The following SERPINI1 variants were observed in gnomAD, a reference collection of about 807,000 sequenced individuals.
SERPINI1 encodes neuroserpin.
In SERPINI1, 19 loss-of-function variants were observed where a neutral mutation model predicts 41.1. The ratio of observed to expected loss-of-function variants is 0.46; its 90% CI spans 0.32 to 0.68. SERPINI1 has a LOEUF of 0.68. Among genes scored for constraint, SERPINI1 ranks in the 30% least tolerant of loss-of-function variants. SERPINI1 has a pLI of 0.03. For synonymous variants in SERPINI1, 138 were observed against 156.6 expected, an observed-to-expected ratio of 0.88 and a Z score of 0.89; for missense variants, 460 against 479.2, an observed-to-expected ratio of 0.96 and a Z score of 0.37.
intron 1 of SERPINI1, among the ~76,000 whole-genome samples, chr3:167,749,003 TG>T (rs1725957221): frequency 6.6e-6 from 1 of 152,150 alleles, no homozygotes; most frequent in South Asian, 2.1e-4. Context: ...TAATTCAAAA[TG>T]TAACCGTTGT....
chr3:167,800,350 T>A (rs561804351), intron 5 of SERPINI1, among the ~76,000 whole-genome samples: 1 of 152,342 alleles, frequency 6.6e-6, no homozygotes, highest in Non-Finnish European at 1.5e-5. Context: ...ATTGTTAATA[T>A]TATTGTAGTT....
At chr3:167,793,804 G>GTATATATATATA (rs372689407) in intron 4 of SERPINI1, among the ~76,000 whole-genome samples, 6 of 146,328 alleles carry the variant, frequency 4.1e-5, no homozygotes, top group African/African-American at 1.5e-4. Flanking sequence ...TATATACTGT[G>GTATATATATATA]TGTATATATA....
chr3:167,739,933 A>G (rs1034092808), intron 1 of SERPINI1, among the ~76,000 whole-genome samples: 2 of 151,906 alleles, frequency 1.3e-5, no homozygotes, highest in African/African-American at 2.4e-5. Context: ...ATTGTAGCAC[A>G]TATTTAACTA....
chr3:167,751,359 GT>G (rs1330652571), intron 1 of SERPINI1, among the ~76,000 whole-genome samples: 1 of 152,108 alleles, frequency 6.6e-6, no homozygotes, highest in African/African-American at 2.4e-5. Flanking sequence ...TATTAACATA[GT>G]TTTTGGAATA....
At position 167,789,325 on chromosome 3, in the gene SERPINI1, G is replaced by A. The variant is rs757649040; in HGVS notation, c.197G>A (p.Gly66Glu). 6.2e-7 allele frequency: 1 copy of A among 1,614,086 alleles called. No individual in the cohort carries two copies. Among genetic ancestry groups the A allele is most frequent in the Non-Finnish European group, 8.5e-7 (1 of 1,179,988 alleles). ...GGAATGATGGAACTTGGGGCCCAAG[G>A]ATCTACCCAGAAAGAAATCCGCCAC... ...AMGMMELGAQ[G>E]STQKEIRHSM... The change falls in exon 2 of 9, where the codon GGA becomes GAA. Residue 66 changes from glycine to glutamate, a missense_variant. Physicochemically the swap from Gly to Glu is moderately conservative, Grantham distance 98 (BLOSUM62 -2). Coordinates refer to ENST00000446050, the MANE Select transcript of SERPINI1 (RefSeq NM_001122752.2).
chr3:167,808,544 G>T (rs564254145), intron 6 of SERPINI1, among the ~76,000 whole-genome samples: 3 of 152,042 alleles, frequency 2.0e-5, no homozygotes, highest in Admixed American at 6.6e-5. Context: ...AACATGTAAG[G>T]CCTCTTTATA....
chr3:167,754,156 T>C (rs557983852), intron 1 of SERPINI1, among the ~76,000 whole-genome samples: 34 of 152,318 alleles, frequency 2.2e-4, no homozygotes, highest in African/African-American at 8.2e-4. Flanking sequence ...CTGTATTCAT[T>C]TTTATACTGG....
chr3:167,780,774 C>G (rs1468797321), intron 1 of SERPINI1, among the ~76,000 whole-genome samples: 1 of 152,150 alleles, frequency 6.6e-6, no homozygotes, highest in Admixed American at 6.5e-5. Flanking sequence ...TCACTTCTGC[C>G]ATCACAGTAC....
chr3:167,757,307 G>A (rs1726224232), intron 1 of SERPINI1, among the ~76,000 whole-genome samples: 1 of 152,136 alleles, frequency 6.6e-6, no homozygotes, highest in Non-Finnish European at 1.5e-5. Context: ...TGCTTGGGAT[G>A]TATTAAACAC....
At chr3:167,741,806 G>A (rs1725684873) in intron 1 of SERPINI1, among the ~76,000 whole-genome samples, 1 of 152,130 alleles carries the variant, frequency 6.6e-6, no homozygotes, top group African/African-American at 2.4e-5. Flanking sequence ...AATGTCTGTG[G>A]CAGGTTAAAT....
intron 1 of SERPINI1, among the ~76,000 whole-genome samples, chr3:167,787,922 C>T (rs1007811638): frequency 6.6e-6 from 1 of 152,196 alleles, no homozygotes; most frequent in Admixed American, 6.5e-5. Context: ...TGGAATCACT[C>T]TGCTCTTCAG....
chr3:167,824,613 CT>C, intron 8 of SERPINI1, 51 bp downstream of exon 8: 1 of 1,202,416 alleles, frequency 8.3e-7, no homozygotes, highest in Non-Finnish European at 1.2e-6. Flanking sequence ...CAAAGAACCT[CT>C]TTTTTAAATG....
At chr3:167,754,675 T>C (rs1179289067) in intron 1 of SERPINI1, among the ~76,000 whole-genome samples, 2 of 152,208 alleles carry the variant, frequency 1.3e-5, no homozygotes, top group African/African-American at 4.8e-5. Flanking sequence ...AGAGGTATAA[T>C]CCAGAAGGGA....
chr3:167,802,796 T>G (rs1352689453), intron 5 of SERPINI1, among the ~76,000 whole-genome samples: 2 of 150,424 alleles, frequency 1.3e-5, no homozygotes, highest in African/African-American at 4.9e-5. Flanking sequence ...CAAAGGACTA[T>G]AAATCATGCT....
At chr3:167,811,659 C>T (rs1047765829) in intron 6 of SERPINI1, among the ~76,000 whole-genome samples, 1 of 150,660 alleles carries the variant, frequency 6.6e-6, no homozygotes, top group African/African-American at 2.4e-5. Context: ...GGAATTTTAC[C>T]TTGTATATGT....
At chr3:167,746,899 T>A (rs1244259380) in intron 1 of SERPINI1, among the ~76,000 whole-genome samples, 1 of 152,164 alleles carries the variant, frequency 6.6e-6, no homozygotes, top group African/African-American at 2.4e-5. Context: ...AGCCACAGAG[T>A]TAGCCTATGA....
chr3:167,787,733 A>G (rs1202913214), intron 1 of SERPINI1, among the ~76,000 whole-genome samples: 1 of 152,174 alleles, frequency 6.6e-6, no homozygotes, highest in East Asian at 1.9e-4. Flanking sequence ...AAACTTCCAT[A>G]CAAATGCAGG....
At chr3:167,749,761 CTG>C (rs1254751825) in intron 1 of SERPINI1, among the ~76,000 whole-genome samples, 1 of 152,126 alleles carries the variant, frequency 6.6e-6, no homozygotes, top group African/African-American at 2.4e-5. Context: ...TGTTAATAAA[CTG>C]TTTAATTTAC....
At chr3:167,781,837 A>G (rs990575604) in intron 1 of SERPINI1, among the ~76,000 whole-genome samples, 1 of 152,038 alleles carries the variant, frequency 6.6e-6, no homozygotes, top group African/African-American at 2.4e-5. Context: ...AGGGAAGTTA[A>G]AAAACACTAT....
Sources: allele counts gnomAD v4.1 joint callset (sites outside exome capture counted in the v4.1 genomes callset), GRCh38; gene constraint gnomAD v4.1.1; transcripts MANE v1.5; gene names NCBI Gene and HGNC (gene_info 2026-07-23, HGNC 2026-07-21).